CACNA1B: variants seen among roughly 807,000 people sequenced by gnomAD.
CACNA1B encodes the protein calcium voltage-gated channel subunit alpha1 B.
CACNA1B carries 70 observed loss-of-function variants against 247.2 expected under a neutral mutation model. That is an observed-to-expected ratio of 0.28 (90% CI 0.23 to 0.35). CACNA1B has a LOEUF of 0.35. Ranked by LOEUF, CACNA1B falls within the 10% of genes least tolerant of loss-of-function variation. The pLI is 1.00. For missense variants in CACNA1B, 2,367 were observed against 3,197.4 expected (o/e 0.74, Z 6.26); for synonymous variants, 1,231 against 1,294.4 (o/e 0.95, Z 1.05).
Position 137,954,939 on chromosome 9 carries a change from C to G in CACNA1B, c.1071-759C>G, listed in dbSNP as rs1957929307. Reference sequence around the variant, plus strand: ...GAGAGAGAGAATGGCTTGCTTCTGGCACTGTGAGCCTTAAAGCTTGGCCAG... The same window carrying G: ...GAGAGAGAGAATGGCTTGCTTCTGGGACTGTGAGCCTTAAAGCTTGGCCAG... On this transcript the variant is annotated intron_variant, in intron 7 of 46. Transcript: ENST00000371372. This position sits in a 1 kb window ranked among gnomAD's most constrained non-coding sequence, Gnocchi z 4.1. Among the ~76,000 whole-genome samples, 1 of 151,102 alleles carries G rather than the reference C, an allele frequency of 6.6e-6. No homozygotes were observed. The highest frequency in any genetic ancestry group is 2.4e-5 in the African/African-American group (1 of 40,850).
rs2133255602 is a variant in CACNA1B at position 137,899,162 on chromosome 9, A to G, written c.531-14018A>G. Among the ~76,000 whole-genome samples, 1 of 151,534 alleles carries G rather than the reference A, an allele frequency of 6.6e-6. No homozygotes were observed. The highest frequency in any genetic ancestry group is 6.6e-5 in the Admixed American group (1 of 15,204). On this transcript the variant is annotated intron_variant, in intron 3 of 46. Coordinates refer to ENST00000371372, the MANE Select transcript of CACNA1B (RefSeq NM_000718.4). The surrounding 1 kb of genome is among the most constrained non-coding windows in gnomAD (Gnocchi z 5.0). ...GAGTGCAGTGCTGCAATCTCAGCTC[A>G]CTGCAACCTCCGCCTCCTAGGTTCA...
At chr9:138,118,991 AGG>A (rs1290747850) in intron 44 of CACNA1B, among the ~76,000 whole-genome samples, 1 of 152,032 alleles carries the variant, frequency 6.6e-6, no homozygotes, top group East Asian at 1.9e-4. Flanking sequence ...GCTTCTCCAG[AGG>A]GTGGGTCAGG....
chr9:138,121,418 T>G lies in CACNA1B; in HGVS notation c.6490-51T>G. The G allele has an allele frequency of 2.9e-5, 2 of 68,128 alleles. No homozygotes were observed. Among genetic ancestry groups the G allele is most frequent in the Non-Finnish European group, 4.5e-5 (2 of 44,056 alleles). The allele number at this position is 68,128 out of a possible 1,614,324, so 4.2% of individuals were successfully genotyped here. ...GATGTGCTCTGTCTGTTGGTTCGGC[T>G]TTTTTTTTTTTTTTTTTACCTCTGA... is the stretch of plus-strand genomic sequence containing the variant. On this transcript the variant is annotated intron_variant, in intron 46 of 46. Transcript: ENST00000371372. The surrounding 1 kb of genome is among the most constrained non-coding windows in gnomAD (Gnocchi z 6.8).
Position 137,891,795 on chromosome 9 carries a change from C to A in CACNA1B, c.530+8912C>A. ...CTGCGTGCCTGTGTGCAGCCCCACACGTGCTGAAGCATCTCTACTCCAGCC... is the reference window on the plus strand; with the variant it reads ...CTGCGTGCCTGTGTGCAGCCCCACAAGTGCTGAAGCATCTCTACTCCAGCC... On this transcript the variant is annotated intron_variant, in intron 3 of 46. Coordinates refer to ENST00000371372, the MANE Select transcript of CACNA1B (RefSeq NM_000718.4). This position sits in a 1 kb window ranked among gnomAD's most constrained non-coding sequence, Gnocchi z 4.3. 3 of 349,598 alleles carry A rather than the reference C, an allele frequency of 8.6e-6. No homozygotes were observed. The highest frequency in any genetic ancestry group is 6.5e-5 in the South Asian group (3 of 46,476). 21.7% of individuals were successfully genotyped at this position (349,598 alleles called of 1,614,324 possible).
At chr9:138,041,556 G>T (rs1020396083) in intron 20 of CACNA1B, among the ~76,000 whole-genome samples, 1 of 151,728 alleles carries the variant, frequency 6.6e-6, no homozygotes, top group African/African-American at 2.4e-5. Context: ...TATCCTTTCC[G>T]TTCTTTCTTC....
At chr9:137,892,606 AC>A in intron 3 of CACNA1B, 1 of 352,430 alleles carries the variant, frequency 2.8e-6, no homozygotes, top group South Asian at 2.1e-5. Context: ...CAAGGGTGGG[AC>A]CAGGTGAGGA....
At chr9:138,001,436 C>T (rs1958576596) in intron 15 of CACNA1B, among the ~76,000 whole-genome samples, 1 of 97,690 alleles carries the variant, frequency 1.0e-5, no homozygotes, top group Non-Finnish European at 1.9e-5. Flanking sequence ...CTATTGTATA[C>T]ACTTTAAATG....
chr9:137,972,526 CTG>C (rs1958166175), intron 11 of CACNA1B, among the ~76,000 whole-genome samples: 1 of 152,270 alleles, frequency 6.6e-6, no homozygotes, highest in East Asian at 1.9e-4. Context: ...CTGGCTGTCA[CTG>C]TGTCCTGCTG....
chr9:138,068,035 C>T (rs889249547), intron 31 of CACNA1B, among the ~76,000 whole-genome samples: 1 of 152,170 alleles, frequency 6.6e-6, no homozygotes, highest in Non-Finnish European at 1.5e-5. Flanking sequence ...TGTGTGCACC[C>T]CTTTCCAGTG....
At chr9:137,908,016 G>A (rs976299596) in intron 3 of CACNA1B, among the ~76,000 whole-genome samples, 1 of 152,152 alleles carries the variant, frequency 6.6e-6, no homozygotes, top group South Asian at 2.1e-4. Context: ...TCTGGCTCTC[G>A]TTCTGCCCCA....
chr9:138,086,422 G>A lies in CACNA1B; in HGVS notation c.5094+8164G>A, dbSNP rs551542658. Among the ~76,000 whole-genome samples, 6 of 151,294 alleles carry A rather than the reference G, an allele frequency of 4.0e-5. 1 individual carries two copies. In the South Asian group the frequency reaches 1.3e-3, roughly 32 times the overall value. On this transcript the variant is annotated intron_variant, in intron 36 of 46. Coordinates refer to ENST00000371372, the MANE Select transcript of CACNA1B (RefSeq NM_000718.4). ...TACTTGTAGTCCCAGCAACTTGGGA[G>A]GCTGAGGTGGAAAGATTGCTTGAGT... is the stretch of plus-strand genomic sequence containing the variant.
intron 6 of CACNA1B, among the ~76,000 whole-genome samples, chr9:137,943,459 C>T (rs1033513242): frequency 6.6e-6 from 1 of 151,900 alleles, no homozygotes; most frequent in South Asian, 2.1e-4. Flanking sequence ...TTTGAGGTAA[C>T]CCAAACTCGG....
intron 39 of CACNA1B, among the ~76,000 whole-genome samples, chr9:138,112,124 T>TGCATGCATACACATGC (rs1554760242): frequency 6.6e-6 from 1 of 151,446 alleles, no homozygotes; most frequent in African/African-American, 2.4e-5. Flanking sequence ...GCAGTGCACA[T>TGCATGCATACACATGC]GCATGCACAC....
Position 137,952,249 on chromosome 9 carries a change from C to A in CACNA1B, c.967-25C>A. ...GGACTGTGTTTTGTCCCTGTCCTTCCTCATCTCCCTCTCCTTGCTTCCAGA... is the reference window on the plus strand; with the variant it reads ...GGACTGTGTTTTGTCCCTGTCCTTCATCATCTCCCTCTCCTTGCTTCCAGA... On this transcript the variant is annotated intron_variant, in intron 6 of 46. Coordinates refer to ENST00000371372, the MANE Select transcript of CACNA1B (RefSeq NM_000718.4). The surrounding 1 kb of genome is among the most constrained non-coding windows in gnomAD (Gnocchi z 4.8). 6.3e-7 allele frequency: 1 copy of A among 1,596,418 alleles called. No homozygotes were observed. The highest frequency in any genetic ancestry group is 8.6e-7 in the Non-Finnish European group (1 of 1,164,070).
intron 11 of CACNA1B, among the ~76,000 whole-genome samples, chr9:137,975,620 C>T (rs1047984912): frequency 6.6e-5 from 10 of 152,232 alleles, no homozygotes; most frequent in Non-Finnish European, 1.3e-4. Context: ...CCCCAGAACT[C>T]ACACCTGGGC....
chr9:137,925,170 AACGATGTATTACCT>A (rs372009024), intron 6 of CACNA1B, among the ~76,000 whole-genome samples: 67 of 152,338 alleles, frequency 4.4e-4, no homozygotes, highest in African/African-American at 1.4e-3. Flanking sequence ...AAATAAGTTC[AACGATGTATTACCT>A]ACAGATCGGC....
intron 1 of CACNA1B, among the ~76,000 whole-genome samples, chr9:137,878,672 G>A (rs2133213115): frequency 6.6e-6 from 1 of 152,282 alleles, no homozygotes; most frequent in South Asian, 2.1e-4. Context: ...AGGTACATGT[G>A]GCTGCGTGTC....
Position 137,914,148 on chromosome 9 carries a change from C to T in CACNA1B, c.623-506C>T, listed in dbSNP as rs959586909. 1.3e-5 allele frequency among the ~76,000 whole-genome samples: 2 copies of T among 151,994 alleles called. No individual in the cohort carries two copies. The highest frequency in any genetic ancestry group is 2.9e-5 in the Non-Finnish European group (2 of 67,970). ...ATCCCCTGCTCTTCCCTCCCAGGGT[C>T]CCCTCCTCTTAGCTCCCAGCATTCT... On this transcript the variant is annotated intron_variant, in intron 4 of 46. Transcript: ENST00000371372. This position sits in a 1 kb window ranked among gnomAD's most constrained non-coding sequence, Gnocchi z 4.3.
chr9:137,914,836 G>A lies in CACNA1B; in HGVS notation c.775+30G>A, dbSNP rs1296435124. The A allele has an allele frequency of 6.2e-7, 1 of 1,611,760 alleles. No individual in the cohort carries two copies. The highest frequency in any genetic ancestry group is 8.5e-7 in the Non-Finnish European group (1 of 1,178,580). ...GGCCAGGCAGCACCCTCCAGCACAGGCAAGTGCCACGGATGCGTTCATCCA... is the reference window on the plus strand; with the variant it reads ...GGCCAGGCAGCACCCTCCAGCACAGACAAGTGCCACGGATGCGTTCATCCA... On this transcript the variant is annotated intron_variant, in intron 5 of 46. Transcript: ENST00000371372. The surrounding 1 kb of genome is among the most constrained non-coding windows in gnomAD (Gnocchi z 4.3).
Sources: allele counts gnomAD v4.1 joint callset (sites outside exome capture counted in the v4.1 genomes callset), GRCh38; gene constraint gnomAD v4.1.1; non-coding constraint Gnocchi (gnomAD v3.1); transcripts MANE v1.5; gene names NCBI Gene and HGNC (gene_info 2026-07-23, HGNC 2026-07-21).